ADAMTSL2: variants seen among roughly 807,000 people sequenced by gnomAD.
The protein encoded by ADAMTSL2 is ADAMTS-like protein 2.
A neutral mutation model predicts 117.0 loss-of-function variants in ADAMTSL2; 55 were observed. That is an observed-to-expected ratio of 0.47 (90% CI 0.38 to 0.59). The LOEUF is 0.59. ADAMTSL2 is among the 20% of genes least tolerant of loss of function. The probability of loss-of-function intolerance (pLI) is 0.00; values close to 1 mark genes in which losing one functional copy is unlikely to be tolerated. For missense variants in ADAMTSL2, 1,182 were observed against 1,354.5 expected, an observed-to-expected ratio of 0.87 and a Z score of 2.00; for synonymous variants, 572 against 566.4, an observed-to-expected ratio of 1.01 and a Z score of -0.14.
Position 133,540,958 on chromosome 9 carries a change from C to T in ADAMTSL2, c.639C>T (p.Cys213=), listed in dbSNP as rs1360450302. Residue 213 remains cysteine, a synonymous_variant, in exon 7 of 19, where the codon TGC becomes TGT. Transcript: ENST00000651351. The part of the protein sequence containing the change: ...CGICQGDGSS[C]THVTGNYRKG... ...TCTGCCAGGGGGACGGTAGCAGCTGCACCCACGTGACGGGCAACTATCGCA... is the reference window on the plus strand; with the variant it reads ...TCTGCCAGGGGGACGGTAGCAGCTGTACCCACGTGACGGGCAACTATCGCA... The T allele has an allele frequency of 6.2e-7, 1 of 1,613,472 alleles. No homozygotes were observed. The highest frequency in any genetic ancestry group is 1.7e-5 in the Admixed American group (1 of 60,020).
chr9:133,574,908 TCC>T lies in ADAMTSL2; in HGVS notation c.*45_*46del. On this transcript the variant is annotated 3_prime_UTR_variant, in exon 19 of 19. Transcript: ENST00000651351. ...CTTCCAGATGAAGACCAAGCGCCCCTCCTGGGGCTGCTGCAGCTTCTGGGGCC... is the reference window on the plus strand; with the variant it reads ...CTTCCAGATGAAGACCAAGCGCCCCTTGGGGCTGCTGCAGCTTCTGGGGCC... 6.7e-7 allele frequency: 1 copy of T among 1,490,398 alleles called. No homozygotes were observed. Among genetic ancestry groups the T allele is most frequent in the Non-Finnish European group, 9.3e-7 (1 of 1,071,292 alleles). 92.3% of individuals were successfully genotyped at this position (1,490,398 alleles called of 1,614,324 possible).
intron 12 of ADAMTSL2, among the ~76,000 whole-genome samples, chr9:133,563,844 G>GAGAGAGAGAGAGA (rs1830815796): frequency 1.4e-4 from 4 of 29,384 alleles, no homozygotes; most frequent in Admixed American, 4.4e-4. Context: ...AGAGAGAGAG[G>GAGAGAGAGAGAGA]GAGAGAGAGA....
chr9:133,545,735 G>A (rs1308489318), intron 8 of ADAMTSL2, among the ~76,000 whole-genome samples: 1 of 152,176 alleles, frequency 6.6e-6, no homozygotes, highest in East Asian at 1.9e-4. Context: ...AATACCAAGG[G>A]TGGGCTCGGA....
intron 16 of ADAMTSL2, 94 bp from the exon 17 acceptor site, chr9:133,570,237 T>C: frequency 2.1e-6 from 3 of 1,409,632 alleles, no homozygotes; most frequent in Non-Finnish European, 2.9e-6. Flanking sequence ...CAATTGCTAT[T>C]GACCAGCCCG....
intron 11 of ADAMTSL2, among the ~76,000 whole-genome samples, chr9:133,559,373 G>A (rs1414018208): frequency 3.0e-5 from 4 of 133,620 alleles, no homozygotes; most frequent in African/African-American, 1.1e-4. Context: ...TTTTTGAGAC[G>A]GAGTCACTCT....
At chr9:133,561,709 T>C (rs1262252571) in intron 12 of ADAMTSL2, among the ~76,000 whole-genome samples, 13 of 152,032 alleles carry the variant, frequency 8.6e-5, no homozygotes, top group Admixed American at 3.9e-4. Context: ...CGAAGGGAAG[T>C]AGGCAAATTC....
chr9:133,539,757 C>T lies in ADAMTSL2; in HGVS notation c.310-14C>T. 2.1e-6 allele frequency: 3 copies of T among 1,431,118 alleles called. No homozygotes were observed. Among genetic ancestry groups the T allele is most frequent in the Non-Finnish European group, 2.8e-6 (3 of 1,086,966 alleles). 88.7% of individuals were successfully genotyped at this position (1,431,118 alleles called of 1,614,324 possible). On this transcript the variant is annotated splice_polypyrimidine_tract_variant and intron_variant, in intron 4 of 18. Coordinates refer to ENST00000651351, the MANE Select transcript of ADAMTSL2 (RefSeq NM_014694.4). The stretch of plus-strand genomic sequence containing the variant: ...GAGTTCCTCCCGGAGCCTCCCTGTC[C>T]CTTCGCTTCCCAGGAGTGTCCGCCG...
chr9:133,564,363 AGG>A (rs1830875698), intron 12 of ADAMTSL2, among the ~76,000 whole-genome samples: 1 of 39,646 alleles, frequency 2.5e-5, no homozygotes, highest in African/African-American at 1.2e-4. Flanking sequence ...GGAGAGAGAG[AGG>A]GAGAGAGAGG....
intron 8 of ADAMTSL2, 41 bp from the exon 9 acceptor site, chr9:133,546,997 G>T (rs770806497): frequency 3.7e-6 from 6 of 1,608,502 alleles, no homozygotes; most frequent in Non-Finnish European, 3.4e-6. Context: ...TCCTCCCCCA[G>T]CCAGTTTGGC....
chr9:133,575,021 CGTGGACCTTT>C lies in ADAMTSL2; in HGVS notation c.*161_*170del. The C allele has an allele frequency of 3.1e-6, 2 of 646,462 alleles. No homozygotes were observed. Among genetic ancestry groups the C allele is most frequent in the Non-Finnish European group, 5.5e-6 (2 of 363,970 alleles). 40.0% of individuals were successfully genotyped at this position (646,462 alleles called of 1,614,324 possible). On this transcript the variant is annotated 3_prime_UTR_variant, in exon 19 of 19. Transcript: ENST00000651351. ...TGTCGAGAGGGGACTTCCCACGGCC[CGTGGACCTTT>C]GTGCTCCTGGGGCAGAGCCTCCGGC... is the stretch of plus-strand genomic sequence containing the variant.
At chr9:133,569,279 A>C (rs1270967607) in intron 15 of ADAMTSL2, 129 bp from the exon 16 acceptor site, 3 of 834,882 alleles carry the variant, frequency 3.6e-6, no homozygotes, top group Non-Finnish European at 5.9e-6. Context: ...TTATTTAAAA[A>C]GTGGTTACCA....
chr9:133,558,280 G>T lies in ADAMTSL2; in HGVS notation c.1649+2350G>T, dbSNP rs1830651728. ...ACAGGGACCAAAGATGGTGTGGAGAGATAAAGGGCAGAGGGAGGCGGCGGG... is the reference window on the plus strand; with the variant it reads ...ACAGGGACCAAAGATGGTGTGGAGATATAAAGGGCAGAGGGAGGCGGCGGG... On this transcript the variant is annotated intron_variant, in intron 11 of 18. Transcript: ENST00000651351. The surrounding 1 kb of genome is among the most constrained non-coding windows in gnomAD (Gnocchi z 4.3). Among the ~76,000 whole-genome samples the T allele has an allele frequency of 6.6e-6, 1 of 152,206 alleles. No homozygotes were observed. The highest frequency in any genetic ancestry group is 1.5e-5 in the Non-Finnish European group (1 of 68,042).
In ADAMTSL2 at chr9:133,554,306, A is replaced by G; in HGVS notation, c.940-51A>G. The stretch of plus-strand genomic sequence containing the variant: ...TCTGTGGGAAGGGGATTGGTGGGGA[A>G]GGGGCTGGACAGAGTAAGGAGGGGC... On this transcript the variant is annotated intron_variant, in intron 9 of 18. Transcript: ENST00000651351. This position sits in a 1 kb window ranked among gnomAD's most constrained non-coding sequence, Gnocchi z 5.2. 6.8e-7 allele frequency: 1 copy of G among 1,465,814 alleles called. No homozygotes were observed. The highest frequency in any genetic ancestry group is 2.0e-5 in the Admixed American group (1 of 49,114). The allele number at this position is 1,465,814 out of a possible 1,614,324, so 90.8% of individuals were successfully genotyped here. A position where few individuals can be genotyped will look rare whatever the true frequency, so the allele number is the denominator to read the frequency against.
At position 133,554,675 on chromosome 9, in the gene ADAMTSL2, AG is replaced by A; in HGVS notation, c.1262del (p.Gly421AlafsTer49). ...CGGCGGGGCCTGCGAGGGGCCCCCC[AG>A]GGGCAAGGGCTTCCGAGGTAACCAG... Reference protein sequence around the residue: ...AGGGACEGPPRGKGFRDRNVT... With the variant: ...AGGGACEGPPXGKGFRDRNVT... On this transcript the variant is annotated frameshift_variant, in exon 10 of 19. Transcript: ENST00000651351. LOFTEE classifies it high-confidence loss of function. The surrounding 1 kb of genome is among the most constrained non-coding windows in gnomAD (Gnocchi z 5.2). The A allele has an allele frequency of 6.6e-7, 1 of 1,507,734 alleles. No homozygotes were observed. The allele number at this position is 1,507,734 out of a possible 1,614,324, so 93.4% of individuals were successfully genotyped here. A position where few individuals can be genotyped will look rare whatever the true frequency, so the allele number is the denominator to read the frequency against.
At position 133,569,460 on chromosome 9, in the gene ADAMTSL2, C is replaced by A; in HGVS notation, c.2297C>A (p.Thr766Asn). The A allele has an allele frequency of 1.9e-6, 3 of 1,613,658 alleles. No individual in the cohort carries two copies. Among genetic ancestry groups the A allele is most frequent in the East Asian group, 2.2e-5 (1 of 44,870 alleles). Reference protein sequence around the residue: ...GRTIRHVYCKTSDGRVVPESQ... With the variant: ...GRTIRHVYCKNSDGRVVPESQ... The stretch of plus-strand genomic sequence containing the variant: ...ACCATCAGGCACGTGTACTGCAAGA[C>A]CAGCGACGGACGGGTAGTACCTGAG... The change falls in exon 16 of 19, where the codon ACC (threonine) becomes AAC (asparagine). Residue 766 changes from threonine (T) to asparagine (N), a missense_variant. Coordinates refer to ENST00000651351, the MANE Select transcript of ADAMTSL2 (RefSeq NM_014694.4).
Position 133,554,049 on chromosome 9 carries a change from C to T in ADAMTSL2, c.940-308C>T, listed in dbSNP as rs62574211. On this transcript the variant is annotated intron_variant, in intron 9 of 18. Transcript: ENST00000651351. This position sits in a 1 kb window ranked among gnomAD's most constrained non-coding sequence, Gnocchi z 5.2. ...CTTCATTACTTAAATTCTCTGCATACAGCATGCAGAGACGAGGGCCCACCT... is the reference window on the plus strand; with the variant it reads ...CTTCATTACTTAAATTCTCTGCATATAGCATGCAGAGACGAGGGCCCACCT... Among the ~76,000 whole-genome samples the T allele has an allele frequency of 0.082, 12,529 of 152,322 alleles. 561 individuals are homozygous for T. Among genetic ancestry groups the T allele is most frequent in the Middle Eastern group, 0.15 (45 of 294 alleles).
intron 12 of ADAMTSL2, among the ~76,000 whole-genome samples, chr9:133,566,218 G>A (rs908364150): frequency 1.3e-5 from 2 of 152,216 alleles, no homozygotes; most frequent in African/African-American, 4.8e-5. Flanking sequence ...AAGGCGGGCG[G>A]ATCACCTGAG....
chr9:133,572,172 G>A (rs892749728), intron 17 of ADAMTSL2, among the ~76,000 whole-genome samples: 8 of 20,426 alleles, frequency 3.9e-4, no homozygotes, highest in East Asian at 2.3e-3. Context: ...ACCCTGCCCC[G>A]CCACCCCCCA....
chr9:133,540,868 C>T lies in ADAMTSL2; in HGVS notation c.559-10C>T. The T allele has an allele frequency of 1.9e-6, 3 of 1,613,404 alleles. No homozygotes were observed. Among genetic ancestry groups the T allele is most frequent in the East Asian group, 2.2e-5 (1 of 44,886 alleles). On this transcript the variant is annotated splice_polypyrimidine_tract_variant and intron_variant, in intron 6 of 18. Coordinates refer to ENST00000651351, the MANE Select transcript of ADAMTSL2 (RefSeq NM_014694.4). ...CCTCCCAGCAGCCCTCTCCCTCTCC[C>T]TTCCTGCAGCCCATCGGCTGTGACG...
Sources: gnomAD v4.1 joint callset for allele counts (sites outside exome capture counted in the v4.1 genomes callset) on GRCh38, gnomAD v4.1.1 for gene constraint, Gnocchi (gnomAD v3.1) non-coding constraint, MANE v1.5 for transcripts, NCBI Gene and HGNC (gene_info 2026-07-23, HGNC 2026-07-21) for gene names.